The following C8orf34 variants were observed in gnomAD, a reference collection of about 807,000 sequenced individuals.
The protein encoded by C8orf34 is uncharacterized protein C8orf34.
Under a neutral mutation model 68.3 loss-of-function variants are expected in C8orf34, and 65 were observed. The ratio of observed to expected loss-of-function variants is 0.95; its 90% CI spans 0.78 to 1.17. C8orf34 has a LOEUF of 1.17. C8orf34 is among the 50% of genes most tolerant of loss of function. The pLI, the probability that C8orf34 is intolerant of heterozygous loss-of-function variation, is 0.00. For synonymous variants in C8orf34, 244 were observed against 241.2 expected, an observed-to-expected ratio of 1.01 and a Z score of -0.11; for missense variants, 664 against 655.4, an observed-to-expected ratio of 1.01 and a Z score of -0.14.
intron 8 of C8orf34, among the ~76,000 whole-genome samples, chr8:68,704,210 G>A (rs920391436): frequency 6.6e-6 from 1 of 152,112 alleles, no homozygotes; most frequent in Non-Finnish European, 1.5e-5. Flanking sequence ...TGAAGTAAGA[G>A]CTATGGTAAA....
chr8:68,759,429 T>C (rs1822964312), intron 10 of C8orf34, among the ~76,000 whole-genome samples: 1 of 152,242 alleles, frequency 6.6e-6, no homozygotes, highest in African/African-American at 2.4e-5. Flanking sequence ...TTCTTGTTTC[T>C]TCACACACCC....
chr8:68,553,431 T>G (rs910605936), intron 7 of C8orf34, among the ~76,000 whole-genome samples: 6 of 151,320 alleles, frequency 4.0e-5, no homozygotes, highest in African/African-American at 1.5e-4. Context: ...ACTCATTTTT[T>G]GGAAGAGTTT....
intron 1 of C8orf34, 101 bp from the exon 2 acceptor site, chr8:68,439,398 C>A: frequency 9.6e-7 from 1 of 1,041,876 alleles, no homozygotes; most frequent in Non-Finnish European, 1.4e-6. Flanking sequence ...GTATATAAAG[C>A]AGTTAGACCA....
chr8:68,547,043 A>G (rs1815907377), intron 7 of C8orf34, among the ~76,000 whole-genome samples: 1 of 151,830 alleles, frequency 6.6e-6, no homozygotes. Context: ...AATAAGTAGA[A>G]AAAATGAAAA....
chr8:68,771,112 G>A (rs1823322969), intron 10 of C8orf34, among the ~76,000 whole-genome samples: 2 of 152,242 alleles, frequency 1.3e-5, no homozygotes, highest in South Asian at 4.1e-4. Context: ...AACAGAAATA[G>A]CATCTGGCAT....
chr8:68,709,196 C>T (rs566175769), intron 9 of C8orf34, 117 bp downstream of exon 9: 14 of 728,324 alleles, frequency 1.9e-5, no homozygotes, highest in East Asian at 1.1e-4. Flanking sequence ...TGCAGCTGCA[C>T]GTCACATATC....
chr8:68,735,251 A>T (rs934758869), intron 10 of C8orf34, among the ~76,000 whole-genome samples: 1 of 152,200 alleles, frequency 6.6e-6, no homozygotes, highest in African/African-American at 2.4e-5. Flanking sequence ...TTTCAATGGT[A>T]TCTGTCTTAT....
chr8:68,607,116 G>A (rs745803479), intron 7 of C8orf34, among the ~76,000 whole-genome samples: 6 of 152,210 alleles, frequency 3.9e-5, no homozygotes, highest in South Asian at 2.1e-4. Context: ...AAGGTATCCC[G>A]AGGCTAGTCT....
rs189228769 is a variant in C8orf34 at position 68,346,875 on chromosome 8, G to A, written c.327+15536G>A. 5.1e-3 allele frequency among the ~76,000 whole-genome samples: 780 copies of A among 152,096 alleles called. 5 individuals carry two copies. Among genetic ancestry groups the A allele is most frequent in the African/African-American group, 0.017 (704 of 41,510 alleles). On this transcript the variant is annotated intron_variant, in intron 1 of 13. Coordinates refer to ENST00000518698, the MANE Select transcript of C8orf34 (RefSeq NM_052958.4). Reference sequence around the variant, plus strand: ...TGAAGGAGATTTTAGTTCCTTCCAAGTTTTGGCAGTTATAAATAAAGCTGC... The same window carrying A: ...TGAAGGAGATTTTAGTTCCTTCCAAATTTTGGCAGTTATAAATAAAGCTGC...
intron 1 of C8orf34, among the ~76,000 whole-genome samples, chr8:68,412,751 C>A (rs1809497744): frequency 6.6e-6 from 1 of 152,166 alleles, no homozygotes; most frequent in Non-Finnish European, 1.5e-5. Flanking sequence ...CCTCTGTAGT[C>A]TCGCTTTCAG....
At chr8:68,562,245 T>G (rs1310881859) in intron 7 of C8orf34, among the ~76,000 whole-genome samples, 1 of 152,182 alleles carries the variant, frequency 6.6e-6, no homozygotes, top group Non-Finnish European at 1.5e-5. Flanking sequence ...ATTATAATCT[T>G]ATGAGACCAC....
intron 7 of C8orf34, among the ~76,000 whole-genome samples, chr8:68,556,487 G>A (rs537809402): frequency 3.0e-4 from 46 of 152,126 alleles, no homozygotes; most frequent in African/African-American, 1.1e-3. Flanking sequence ...TGCAAACTCT[G>A]TAGGCTTGAA....
At chr8:68,510,323 G>T (rs967537489) in intron 5 of C8orf34, among the ~76,000 whole-genome samples, 1 of 152,174 alleles carries the variant, frequency 6.6e-6, no homozygotes, top group Non-Finnish European at 1.5e-5. Context: ...GCTTGGCTTT[G>T]GTTAGCTCCC....
chr8:68,608,559 C>A (rs916512658), intron 7 of C8orf34, among the ~76,000 whole-genome samples: 3 of 151,188 alleles, frequency 2.0e-5, no homozygotes, highest in African/African-American at 7.3e-5. Flanking sequence ...AGTAGCCACT[C>A]CATGATACTA....
chr8:68,371,962 G>A (rs904508888), intron 1 of C8orf34, among the ~76,000 whole-genome samples: 22 of 152,228 alleles, frequency 1.4e-4, no homozygotes, highest in African/African-American at 5.1e-4. Context: ...CAGCCACTTG[G>A]TTCTCCAAAA....
At chr8:68,349,254 T>A (rs1391105255) in intron 1 of C8orf34, among the ~76,000 whole-genome samples, 1 of 152,098 alleles carries the variant, frequency 6.6e-6, no homozygotes, top group Non-Finnish European at 1.5e-5. Context: ...TGTCTTTAGT[T>A]CTGTTTATGT....
chr8:68,531,083 T>C (rs1815224696), intron 6 of C8orf34, among the ~76,000 whole-genome samples: 1 of 152,104 alleles, frequency 6.6e-6, no homozygotes, highest in South Asian at 2.1e-4. Context: ...TGCTGAACCA[T>C]CTGAAAATAA....
rs541934288 is a variant in C8orf34, at chr8:68,589,422, G to A, written c.1106-50954G>A. ...GGAAGAGAGAAAATAAGAGGTGGGA[G>A]AGAAAATAAAAGAAGGAAGGGGGAA... On this transcript the variant is annotated intron_variant, in intron 7 of 13. Coordinates refer to ENST00000518698, the MANE Select transcript of C8orf34 (RefSeq NM_052958.4). 1.4e-3 allele frequency among the ~76,000 whole-genome samples: 216 copies of A among 149,712 alleles called. 1 individual carries two copies. Among genetic ancestry groups the A allele is most frequent in the African/African-American group, 4.9e-3 (200 of 40,406 alleles).
intron 2 of C8orf34, among the ~76,000 whole-genome samples, chr8:68,442,234 A>G (rs759447966): frequency 2.6e-5 from 4 of 152,112 alleles, no homozygotes; most frequent in African/African-American, 9.7e-5. Context: ...CCAATTATGG[A>G]AAGTCACCAA....
Sources: gnomAD v4.1 joint callset for allele counts (sites outside exome capture counted in the v4.1 genomes callset) on GRCh38, gnomAD v4.1.1 for gene constraint, MANE v1.5 for transcripts, NCBI Gene and HGNC (gene_info 2026-07-23, HGNC 2026-07-21) for gene names.